Variants in GPR158 observed in about 807,000 individuals in gnomAD.
GPR158 encodes the protein G protein-coupled receptor 158, also known as metabotropic glycine receptor.
GPR158 carries 30 observed loss-of-function variants against 78.2 expected under a neutral mutation model. That is an observed-to-expected ratio of 0.38 (90% CI 0.29 to 0.52). The LOEUF is 0.52. Ranked by LOEUF, GPR158 falls within the 20% of genes least tolerant of loss-of-function variation. The pLI is 0.83. For synonymous variants in GPR158, 581 were observed against 591.1 expected, an observed-to-expected ratio of 0.98 and a Z score of 0.25; for missense variants, 1,463 against 1,523.5, an observed-to-expected ratio of 0.96 and a Z score of 0.66.
At chr10:25,266,500 C>T (rs186528444) in intron 2 of GPR158, among the ~76,000 whole-genome samples, 191 of 152,090 alleles carry the variant, frequency 1.3e-3, no homozygotes, top group African/African-American at 4.4e-3. Context: ...TAATGGGATT[C>T]GGTTCCATTT....
At chr10:25,387,249 C>T (rs1284090817) in intron 2 of GPR158, among the ~76,000 whole-genome samples, 1 of 152,120 alleles carries the variant, frequency 6.6e-6, no homozygotes, top group Non-Finnish European at 1.5e-5. Flanking sequence ...TTTTGTCCTT[C>T]ATTCTGTTGA....
chr10:25,258,936 T>G (rs1221150695), intron 2 of GPR158, among the ~76,000 whole-genome samples: 1 of 152,192 alleles, frequency 6.6e-6, no homozygotes, highest in East Asian at 1.9e-4. Flanking sequence ...TAAAGTAAGC[T>G]AGAGAAAAGA....
Position 25,221,055 on chromosome 10 carries a change from T to C in GPR158, c.906T>C (p.Gly302=). The stretch of plus-strand genomic sequence containing the variant: ...TTTTATCCTTTTCTATTTCTAGGGG[T>C]GTCATGAAAGTTGACATAAATCTTC... ...LQPNLVPEFR[G]VMKVDINLQK... is the part of the protein sequence containing the mutation. The change falls in exon 2 of 11, where the codon GGT becomes GGC. Residue 302 remains glycine, a synonymous_variant. Transcript: ENST00000376351. 3 of 1,470,560 alleles carry C rather than the reference T, an allele frequency of 2.0e-6. No homozygotes were observed. In the East Asian group the frequency reaches 6.8e-5, roughly 33 times the overall value. 91.1% of individuals were successfully genotyped at this position (1,470,560 alleles called of 1,614,324 possible).
intron 1 of GPR158, among the ~76,000 whole-genome samples, chr10:25,211,493 G>A (rs529355156): frequency 6.6e-6 from 1 of 152,268 alleles, no homozygotes; most frequent in East Asian, 1.9e-4. Flanking sequence ...GCATGCACAA[G>A]AGGAGGCCAA....
intron 1 of GPR158, among the ~76,000 whole-genome samples, chr10:25,195,673 G>A (rs1003553239): frequency 1.3e-5 from 2 of 152,182 alleles, no homozygotes; most frequent in Non-Finnish European, 2.9e-5. Flanking sequence ...TTCAACAACT[G>A]TGTGTTGGAT....
At chr10:25,216,223 T>C (rs965303671) in intron 1 of GPR158, among the ~76,000 whole-genome samples, 2 of 152,240 alleles carry the variant, frequency 1.3e-5, no homozygotes, top group African/African-American at 4.8e-5. Context: ...TGATGGCAGC[T>C]GATCTACAGG....
intron 4 of GPR158, among the ~76,000 whole-genome samples, chr10:25,450,276 T>G (rs7088016): frequency 0.66 from 99,449 of 151,598 alleles, 34,152 homozygotes; most frequent in East Asian, 0.89. Flanking sequence ...TAGTGAGCCA[T>G]GGGGGACCCA....
chr10:25,406,706 C>T (rs186082473), intron 3 of GPR158, among the ~76,000 whole-genome samples: 131 of 152,208 alleles, frequency 8.6e-4, no homozygotes, highest in Non-Finnish European at 1.7e-3. Flanking sequence ...GTTTTCTTTT[C>T]CATCTGGCTT....
At chr10:25,238,682 TAAACCATCA>T in intron 2 of GPR158, among the ~76,000 whole-genome samples, 1 of 152,302 alleles carries the variant, frequency 6.6e-6, no homozygotes, top group South Asian at 2.1e-4. Flanking sequence ...ATGTAGGACT[TAAACCATCA>T]AACAAAATCA....
At chr10:25,542,685 G>T (rs1344905343) in intron 5 of GPR158, among the ~76,000 whole-genome samples, 1 of 151,812 alleles carries the variant, frequency 6.6e-6, no homozygotes, top group African/African-American at 2.4e-5. Flanking sequence ...TTAGCTGGGC[G>T]TGGTGGTGGG....
intron 2 of GPR158, among the ~76,000 whole-genome samples, chr10:25,296,698 G>A (rs1217106812): frequency 6.6e-6 from 1 of 151,828 alleles, no homozygotes; most frequent in Non-Finnish European, 1.5e-5. Flanking sequence ...TGCTTTACAA[G>A]TATTAATTCA....
intron 1 of GPR158, among the ~76,000 whole-genome samples, chr10:25,197,587 G>T (rs1228523024): frequency 6.6e-6 from 1 of 152,000 alleles, no homozygotes; most frequent in Non-Finnish European, 1.5e-5. Flanking sequence ...AACACAATTG[G>T]CATGTTTAAT....
chr10:25,188,945 C>A (rs998118892), intron 1 of GPR158, among the ~76,000 whole-genome samples: 18 of 151,814 alleles, frequency 1.2e-4, no homozygotes, highest in African/African-American at 3.9e-4. Context: ...AAGAAAAAAA[C>A]AAACAACCCC....
intron 4 of GPR158, among the ~76,000 whole-genome samples, chr10:25,429,306 G>T (rs1202557295): frequency 6.6e-6 from 1 of 151,988 alleles, no homozygotes; most frequent in Non-Finnish European, 1.5e-5. Flanking sequence ...AATATGCATG[G>T]TATATGTCAC....
At chr10:25,290,594 A>G (rs1705653439) in intron 2 of GPR158, among the ~76,000 whole-genome samples, 1 of 152,148 alleles carries the variant, frequency 6.6e-6, no homozygotes, top group Non-Finnish European at 1.5e-5. Flanking sequence ...ATTCAAGGTA[A>G]TGATCAGAAA....
Position 25,572,828 on chromosome 10 carries a change from C to T in GPR158, c.1694C>T (p.Ser565Phe), listed in dbSNP as rs1364195968. The T allele has an allele frequency of 2.5e-6, 4 of 1,613,720 alleles. No homozygotes were observed. Among genetic ancestry groups the T allele is most frequent in the Non-Finnish European group, 3.4e-6 (4 of 1,179,668 alleles). Residue 565 changes from serine (S) to phenylalanine (F), a missense_variant, in exon 7 of 11, where the codon TCC (serine) becomes TTC (phenylalanine). Ser to Phe is a radical substitution (Grantham distance 155). Transcript: ENST00000376351. ...QISLIGQGKT[S>F]DHLIFNMCLI... ...TCACTTATTGGCCAGGGGAAAACAT[C>T]CGATCACCTCATCTTCAATATGTGC...
intron 5 of GPR158, among the ~76,000 whole-genome samples, chr10:25,514,763 C>T (rs951657996): frequency 6.6e-6 from 1 of 152,080 alleles, no homozygotes; most frequent in African/African-American, 2.4e-5. Context: ...TTCTTTCCTT[C>T]ATTTATGAAG....
chr10:25,392,372 G>A (rs912309395), intron 2 of GPR158, among the ~76,000 whole-genome samples: 1 of 152,214 alleles, frequency 6.6e-6, no homozygotes, highest in African/African-American at 2.4e-5. Context: ...GTGGGATCCA[G>A]GCTGGTAGCA....
rs138596164 is a variant in GPR158, at chr10:25,444,496, T to C, written c.1336-22155T>C. Among the ~76,000 whole-genome samples the C allele has an allele frequency of 6.4e-3, 964 of 150,660 alleles. 4 individuals carry two copies. Among genetic ancestry groups the C allele is most frequent in the Non-Finnish European group, 0.01 (686 of 67,540 alleles). On this transcript the variant is annotated intron_variant, in intron 4 of 10. Coordinates refer to ENST00000376351, the MANE Select transcript of GPR158 (RefSeq NM_020752.3). ...GAGGTGCATGTATGTGTGGGGGAAA[T>C]GTGGGCGCATGTATGCGTGTGGGTA... is the stretch of plus-strand genomic sequence containing the variant.
Sources: gnomAD v4.1 joint callset for allele counts (sites outside exome capture counted in the v4.1 genomes callset) on GRCh38, gnomAD v4.1.1 for gene constraint, MANE v1.5 for transcripts, NCBI Gene and HGNC (gene_info 2026-07-23, HGNC 2026-07-21) for gene names.